DSCAML1: variants seen among roughly 807,000 people sequenced by gnomAD.
DSCAML1 encodes cell adhesion molecule DSCAML1.
A neutral mutation model predicts 200.5 loss-of-function variants in DSCAML1; 38 were observed. The observed-to-expected ratio is 0.19, with a 90% CI of 0.15 to 0.25. DSCAML1 has a LOEUF of 0.25. Among genes scored for constraint, DSCAML1 ranks in the 10% least tolerant of loss-of-function variants. DSCAML1 has a pLI of 1.00. For synonymous variants in DSCAML1, 1,215 were observed against 1,165.0 expected, an observed-to-expected ratio of 1.04 and a Z score of -0.87; for missense variants, 2,223 against 2,858.8, an observed-to-expected ratio of 0.78 and a Z score of 5.07.
chr11:117,494,010 G>A (rs982393529), intron 11 of DSCAML1, among the ~76,000 whole-genome samples: 5 of 152,100 alleles, frequency 3.3e-5, no homozygotes, highest in African/African-American at 1.2e-4. Flanking sequence ...TTATGTGCAC[G>A]CACCATGGCT....
chr11:117,446,022 G>T (rs1290038060), intron 20 of DSCAML1, among the ~76,000 whole-genome samples: 1 of 152,166 alleles, frequency 6.6e-6, no homozygotes, highest in South Asian at 2.1e-4. Context: ...AAATGGAAAT[G>T]ATTGATAAAT....
At chr11:117,477,364 GTGTGTGTGTGTGTGTGTGTGTGTGTGTA>G (rs1261184469) in intron 14 of DSCAML1, among the ~76,000 whole-genome samples, 2 of 144,504 alleles carry the variant, frequency 1.4e-5, no homozygotes, top group African/African-American at 5.5e-5. Context: ...GTGTGTGTGT[GTGTGTGTGTGTGTGTGTGTGTGTGTGTA>G]TGTGTGTGTG....
chr11:117,504,811 A>G lies in DSCAML1; in HGVS notation c.2182+113T>C. The G allele has an allele frequency of 1.4e-6, 2 of 1,397,572 alleles. No homozygotes were observed. The highest frequency in any genetic ancestry group is 1.4e-5 in the African/African-American group (1 of 69,428). The allele number at this position is 1,397,572 out of a possible 1,614,324, so 86.6% of individuals were successfully genotyped here. On this transcript the variant is annotated intron_variant, in intron 10 of 32. Transcript: ENST00000651296. The surrounding 1 kb of genome is among the most constrained non-coding windows in gnomAD (Gnocchi z 5.0). Reference sequence around the variant, plus strand: ...GGTCCACTGGGGTGCAGACCAGAGGACTCCCATCCAGGGATAGGAGTTGCC... The same window carrying G: ...GGTCCACTGGGGTGCAGACCAGAGGGCTCCCATCCAGGGATAGGAGTTGCC...
At chr11:117,593,903 C>T (rs991786326) in intron 3 of DSCAML1, among the ~76,000 whole-genome samples, 4 of 152,008 alleles carry the variant, frequency 2.6e-5, no homozygotes, top group Admixed American at 6.6e-5. Flanking sequence ...TTAGTAGAGA[C>T]GGTGTTTCAC....
intron 3 of DSCAML1, among the ~76,000 whole-genome samples, chr11:117,736,660 CA>C: frequency 1.3e-5 from 2 of 152,332 alleles, no homozygotes; most frequent in East Asian, 3.9e-4. Flanking sequence ...AGTCATTCTA[CA>C]GCTAACAGCT....
Position 117,428,227 on chromosome 11 carries a change from T to C in DSCAML1, c.*101A>G, listed in dbSNP as rs559253342. 98 of 732,896 alleles carry C rather than the reference T, an allele frequency of 1.3e-4. No homozygotes were observed. Among genetic ancestry groups the C allele is most frequent in the Middle Eastern group, 3.7e-4 (1 of 2,712 alleles). The allele number at this position is 732,896 out of a possible 1,614,324, so 45.4% of individuals were successfully genotyped here. A position where few individuals can be genotyped will look rare whatever the true frequency, so the allele number is the denominator to read the frequency against. Reference sequence around the variant, plus strand: ...TTTTTGTTTTGTCGTTGGTTGGTTTTTGTCTGTCAGTTGAATATAAATAAT... The same window carrying C: ...TTTTTGTTTTGTCGTTGGTTGGTTTCTGTCTGTCAGTTGAATATAAATAAT... On this transcript the variant is annotated 3_prime_UTR_variant, in exon 33 of 33. Transcript: ENST00000651296.
chr11:117,441,039 A>G (rs1483267447), intron 21 of DSCAML1, among the ~76,000 whole-genome samples: 2 of 151,864 alleles, frequency 1.3e-5, no homozygotes, highest in African/African-American at 4.8e-5. Context: ...AGAACGTGAC[A>G]GGATGGTGGC....
intron 32 of DSCAML1, 29 bp from the exon 33 acceptor site, chr11:117,428,832 A>G (rs1407559059): frequency 1.9e-6 from 3 of 1,546,150 alleles, no homozygotes; most frequent in Non-Finnish European, 2.6e-6. Flanking sequence ...AGGATGTTAC[A>G]GAGAGTCATA....
rs1268498706 is a variant in DSCAML1, at chr11:117,472,065, T to C, written c.2786-29A>G. On this transcript the variant is annotated intron_variant, in intron 14 of 32. Transcript: ENST00000651296. ...GAGAGAAGACACCTATGTCAAAGCA[T>C]GGCCAGGCAAACTCCAGGACCCCTT... 2.5e-6 allele frequency: 4 copies of C among 1,610,272 alleles called. No individual in the cohort carries two copies. In the African/African-American group the frequency reaches 4.0e-5, roughly 16 times the overall value.
At chr11:117,722,970 T>G (rs925881462) in intron 3 of DSCAML1, among the ~76,000 whole-genome samples, 1 of 152,220 alleles carries the variant, frequency 6.6e-6, no homozygotes, top group Admixed American at 6.5e-5. Flanking sequence ...GTTACGAGTA[T>G]AGGTTCTGGA....
At position 117,757,311 on chromosome 11, in the gene DSCAML1, C is replaced by T. The variant is rs1219178684; in HGVS notation, c.511+19480G>A. On this transcript the variant is annotated intron_variant, in intron 3 of 32. Coordinates refer to ENST00000651296, the MANE Select transcript of DSCAML1 (RefSeq NM_020693.4). ...CAGAAATCATCTCTAATCTCACTAT[C>T]TAGAAATAATCATGACAATCACTAA... is the stretch of plus-strand genomic sequence containing the variant. Among the ~76,000 whole-genome samples the T allele has an allele frequency of 4.6e-5, 7 of 152,252 alleles. No homozygotes were observed. In the East Asian group the frequency reaches 1.3e-3, roughly 29 times the overall value.
intron 1 of DSCAML1, 64 bp downstream of exon 1, chr11:117,796,970 C>T (rs925026204): frequency 8.3e-6 from 10 of 1,209,398 alleles, no homozygotes; most frequent in Non-Finnish European, 1.1e-5. Flanking sequence ...CACCCCGCCT[C>T]GCCGCCAGCC....
intron 3 of DSCAML1, among the ~76,000 whole-genome samples, chr11:117,673,187 C>T (rs376514703): frequency 2.6e-5 from 4 of 152,176 alleles, no homozygotes; most frequent in Non-Finnish European, 4.4e-5. Flanking sequence ...AAGGCAAACA[C>T]GTTTTTATTA....
At chr11:117,484,408 C>T (rs1029558151) in intron 11 of DSCAML1, among the ~76,000 whole-genome samples, 22 of 152,182 alleles carry the variant, frequency 1.4e-4, no homozygotes, top group African/African-American at 5.3e-4. Flanking sequence ...CCCTGGCCTC[C>T]AGGCCCCCGC....
chr11:117,723,201 T>C (rs563767107), intron 3 of DSCAML1, among the ~76,000 whole-genome samples: 39 of 152,374 alleles, frequency 2.6e-4, no homozygotes, highest in Admixed American at 2.1e-3. Flanking sequence ...CTGGTATTTA[T>C]TACCCCTTGT....
chr11:117,703,253 T>C (rs2053699361), intron 3 of DSCAML1, among the ~76,000 whole-genome samples: 1 of 152,196 alleles, frequency 6.6e-6, no homozygotes, highest in African/African-American at 2.4e-5. Flanking sequence ...GGCTATTTCA[T>C]CTTGAGATTA....
At chr11:117,743,291 C>G (rs899908462) in intron 3 of DSCAML1, among the ~76,000 whole-genome samples, 3 of 152,140 alleles carry the variant, frequency 2.0e-5, no homozygotes, top group Admixed American at 6.5e-5. Flanking sequence ...GGGTGCCCTG[C>G]AGGAAACCAG....
At chr11:117,539,960 T>C (rs952327129) in intron 3 of DSCAML1, among the ~76,000 whole-genome samples, 1 of 152,238 alleles carries the variant, frequency 6.6e-6, no homozygotes, top group Non-Finnish European at 1.5e-5. Context: ...GATGGAAATT[T>C]GGGCACGTGC....
In DSCAML1 at chr11:117,480,861, G is replaced by A. The variant is rs770344532; in HGVS notation, c.2657-290C>T. Among the ~76,000 whole-genome samples the A allele has an allele frequency of 3.2e-4, 49 of 152,132 alleles. No individual in the cohort carries two copies. Among genetic ancestry groups the A allele is most frequent in the Non-Finnish European group, 6.6e-4 (45 of 68,020 alleles). On this transcript the variant is annotated intron_variant, in intron 13 of 32. Coordinates refer to ENST00000651296, the MANE Select transcript of DSCAML1 (RefSeq NM_020693.4). This position sits in a 1 kb window ranked among gnomAD's most constrained non-coding sequence, Gnocchi z 4.1. The stretch of plus-strand genomic sequence containing the variant: ...TTTCCCCTTCCAACTTCCCCAGCTT[G>A]ACTTTCCCTTCCCACACCTGCTGCA...
Sources: gnomAD v4.1 joint callset for allele counts (sites outside exome capture counted in the v4.1 genomes callset) on GRCh38, gnomAD v4.1.1 for gene constraint, Gnocchi (gnomAD v3.1) non-coding constraint, MANE v1.5 for transcripts, NCBI Gene and HGNC (gene_info 2026-07-23, HGNC 2026-07-21) for gene names.